The following PLXNA4 variants were observed in gnomAD, a reference collection of about 807,000 sequenced individuals.
PLXNA4 encodes plexin-A4.
PLXNA4 carries 44 observed loss-of-function variants against 191.8 expected under a neutral mutation model. The observed-to-expected ratio is 0.23, with a 90% CI of 0.18 to 0.29. The LOEUF (loss-of-function observed/expected upper bound fraction) is 0.29. Among genes scored for constraint, PLXNA4 ranks in the 10% least tolerant of loss-of-function variants. The pLI is 1.00. For synonymous variants in PLXNA4, 1,082 were observed against 1,009.5 expected (o/e 1.07, Z -1.36); for missense variants, 1,800 against 2,488.8 (o/e 0.72, Z 5.89).
chr7:132,251,158 G>C (rs1425440519), intron 4 of PLXNA4, among the ~76,000 whole-genome samples: 1 of 148,698 alleles, frequency 6.7e-6, no homozygotes. Flanking sequence ...TTAAAAACTT[G>C]TCAAGCAAGT....
At chr7:132,165,371 G>C (rs1170330402) in intron 22 of PLXNA4, among the ~76,000 whole-genome samples, 171 bp from the exon 23 acceptor site, 1 of 152,224 alleles carries the variant, frequency 6.6e-6, no homozygotes, top group Non-Finnish European at 1.5e-5. Context: ...TGGACTCCTA[G>C]ACGCCCCCAT....
At chr7:132,486,456 C>G (rs1022147676) in intron 3 of PLXNA4, among the ~76,000 whole-genome samples, 1 of 152,208 alleles carries the variant, frequency 6.6e-6, no homozygotes, top group African/African-American at 2.4e-5. Flanking sequence ...CCTTCCTTTC[C>G]CAACTCAGAC....
At chr7:132,288,808 G>A (rs1288973056) in intron 4 of PLXNA4, among the ~76,000 whole-genome samples, 14 of 152,268 alleles carry the variant, frequency 9.2e-5, no homozygotes, top group Non-Finnish European at 1.6e-4. Context: ...CAGCACCTTT[G>A]GCTGCAGACA....
intron 3 of PLXNA4, among the ~76,000 whole-genome samples, chr7:132,425,973 T>C (rs1795028418): frequency 6.6e-6 from 1 of 152,146 alleles, no homozygotes; most frequent in Non-Finnish European, 1.5e-5. Context: ...TCCCTGAAAC[T>C]GAGAAAACTC....
intron 10 of PLXNA4, among the ~76,000 whole-genome samples, chr7:132,209,776 A>G (rs1197654096): frequency 1.3e-5 from 2 of 152,184 alleles, no homozygotes; most frequent in Admixed American, 1.3e-4. Context: ...AAATACAGAC[A>G]TTGCACATAA....
intron 20 of PLXNA4, 76 bp downstream of exon 20, chr7:132,179,611 C>G: frequency 6.4e-7 from 1 of 1,556,428 alleles, no homozygotes; most frequent in Non-Finnish European, 8.7e-7. Flanking sequence ...TATGCATACA[C>G]ATACACAGAT....
intron 3 of PLXNA4, among the ~76,000 whole-genome samples, chr7:132,317,440 G>T (rs1410449681): frequency 3.3e-5 from 5 of 152,010 alleles, no homozygotes; most frequent in Non-Finnish European, 7.4e-5. Flanking sequence ...GTGTTGGATT[G>T]TATTGAATTG....
At chr7:132,547,794 G>A (rs1800374778) in intron 1 of PLXNA4, among the ~76,000 whole-genome samples, 1 of 152,142 alleles carries the variant, frequency 6.6e-6, no homozygotes, top group Non-Finnish European at 1.5e-5. Flanking sequence ...TTTGTTGGTG[G>A]CCTAGATTTT....
chr7:132,159,521 T>TGAA lies in PLXNA4; in HGVS notation c.4609_4611dup (p.Phe1537dup), dbSNP rs1795886642. On this transcript the variant is annotated inframe_insertion, in exon 25 of 32. Coordinates refer to ENST00000321063, the MANE Select transcript of PLXNA4 (RefSeq NM_020911.2). Reference sequence around the variant, plus strand: ...GGCCGGTGGGAGCAAGGCACATTCTTGAAGATGGCATCCAGAATCTTCTCC... The same window carrying TGAA: ...GGCCGGTGGGAGCAAGGCACATTCTTGAAGAAGATGGCATCCAGAATCTTCTCC... 6.2e-7 allele frequency: 1 copy of TGAA among 1,614,050 alleles called. No individual in the cohort carries two copies. Among genetic ancestry groups the TGAA allele is most frequent in the African/African-American group, 1.3e-5 (1 of 74,984 alleles).
At chr7:132,633,523 C>T (rs574885017) in intron 2 of PLXNA4, among the ~76,000 whole-genome samples, 1 of 152,214 alleles carries the variant, frequency 6.6e-6, no homozygotes, top group African/African-American at 2.4e-5. Flanking sequence ...CCTTGTGATC[C>T]ACCTGCCTCG....
chr7:132,273,258 T>C (rs1289181422), intron 4 of PLXNA4, among the ~76,000 whole-genome samples: 1 of 152,064 alleles, frequency 6.6e-6, no homozygotes, highest in Non-Finnish European at 1.5e-5. Context: ...TATAATACAC[T>C]AAGCTCACAC....
intron 20 of PLXNA4, among the ~76,000 whole-genome samples, chr7:132,176,855 T>C (rs1405230095): frequency 6.6e-6 from 1 of 151,848 alleles, no homozygotes; most frequent in East Asian, 1.9e-4. Flanking sequence ...CATGTGTATG[T>C]CTGTGTGTAT....
chr7:132,126,031 A>G lies in PLXNA4; in HGVS notation c.*4448T>C, dbSNP rs1794760013. ...GGAGGTTTGTCCTTGACTGATAACA[A>G]TACTGGCCCTTTGCTCGGTTAAGTA... On this transcript the variant is annotated 3_prime_UTR_variant, in exon 32 of 32. Coordinates refer to ENST00000321063, the MANE Select transcript of PLXNA4 (RefSeq NM_020911.2). 1 of 152,258 alleles carries G rather than the reference A, an allele frequency of 6.6e-6. No individual in the cohort carries two copies. Among genetic ancestry groups the G allele is most frequent in the Non-Finnish European group, 1.5e-5 (1 of 68,092 alleles). 9.4% of individuals were successfully genotyped at this position (152,258 alleles called of 1,614,324 possible).
At chr7:132,137,045 C>T (rs770794194) in intron 30 of PLXNA4, among the ~76,000 whole-genome samples, 4 of 152,050 alleles carry the variant, frequency 2.6e-5, no homozygotes, top group Admixed American at 2.0e-4. Context: ...TTTCAAGTAC[C>T]CAACTCACTC....
intron 3 of PLXNA4, among the ~76,000 whole-genome samples, chr7:132,367,268 TC>T (rs1372258070): frequency 4.6e-5 from 7 of 152,252 alleles, no homozygotes; most frequent in Non-Finnish European, 8.8e-5. Flanking sequence ...GCCACACAGA[TC>T]CCTTGCCTAG....
At chr7:132,277,748 A>G (rs1190760728) in intron 4 of PLXNA4, among the ~76,000 whole-genome samples, 1 of 152,208 alleles carries the variant, frequency 6.6e-6, no homozygotes, top group Non-Finnish European at 1.5e-5. Flanking sequence ...TTGAGGCTTA[A>G]CACCTAGCAG....
At chr7:132,567,922 T>C (rs1000661779) in intron 1 of PLXNA4, among the ~76,000 whole-genome samples, 1 of 152,136 alleles carries the variant, frequency 6.6e-6, no homozygotes, top group African/African-American at 2.4e-5. Context: ...TCTAGGTCAG[T>C]GATTTGCTCA....
intron 22 of PLXNA4, 45 bp downstream of exon 22, chr7:132,168,259 G>T: frequency 6.7e-7 from 1 of 1,481,950 alleles, no homozygotes; most frequent in Non-Finnish European, 9.0e-7. Flanking sequence ...GGTGAGCCAG[G>T]TGCATGGCTA....
intron 25 of PLXNA4, among the ~76,000 whole-genome samples, chr7:132,151,290 GGAAGAA>G (rs1292617482): frequency 3.5e-5 from 2 of 57,552 alleles, no homozygotes; most frequent in Non-Finnish European, 7.0e-5. Context: ...AGGAGGAGGA[GGAAGAA>G]GAAGGAGGAG....
Sources: gnomAD v4.1 joint callset for allele counts (sites outside exome capture counted in the v4.1 genomes callset) on GRCh38, gnomAD v4.1.1 for gene constraint, MANE v1.5 for transcripts, NCBI Gene and HGNC (gene_info 2026-07-23, HGNC 2026-07-21) for gene names.